Variants in HTR3B observed in about 807,000 individuals in gnomAD.
The protein encoded by HTR3B is 5-hydroxytryptamine receptor 3B.
Under a neutral mutation model 42.8 loss-of-function variants are expected in HTR3B, and 44 were observed. That is an observed-to-expected ratio of 1.03 (90% confidence interval 0.81 to 1.32). The LOEUF (loss-of-function observed/expected upper bound fraction) is 1.32, where lower values mean the gene tolerates loss of function less well. Ranked by LOEUF, HTR3B falls within the 40% of genes most tolerant of loss-of-function variation. The probability of loss-of-function intolerance (pLI) is 0.00; values close to 1 mark genes in which losing one functional copy is unlikely to be tolerated. For synonymous variants in HTR3B, 203 were observed against 209.0 expected (o/e 0.97, Z 0.25); for missense variants, 527 against 536.5 (o/e 0.98, Z 0.17).
At chr11:113,924,835 A>G (rs1949953411) in intron 2 of HTR3B, among the ~76,000 whole-genome samples, 1 of 152,044 alleles carries the variant, frequency 6.6e-6, no homozygotes, top group Non-Finnish European at 1.5e-5. Flanking sequence ...GCCTTTCCCA[A>G]GTATCTATTT....
intron 1 of HTR3B, among the ~76,000 whole-genome samples, chr11:113,907,318 G>A (rs1949741224): frequency 6.6e-6 from 1 of 152,166 alleles, no homozygotes; most frequent in African/African-American, 2.4e-5. Context: ...GAGTCATTTA[G>A]TGCTTGTGTG....
chr11:113,918,165 G>C (rs1245333325), intron 2 of HTR3B, among the ~76,000 whole-genome samples: 3 of 151,760 alleles, frequency 2.0e-5, no homozygotes, highest in African/African-American at 7.3e-5. Flanking sequence ...CTCTCATACT[G>C]TTAACATCTT....
intron 2 of HTR3B, among the ~76,000 whole-genome samples, chr11:113,929,073 T>C (rs1950005583): frequency 6.6e-6 from 1 of 152,200 alleles, no homozygotes; most frequent in African/African-American, 2.4e-5. Context: ...CATCTTTAAC[T>C]TTTTAAGAAA....
upstream of HTR3B, among the ~76,000 whole-genome samples, chr11:113,901,062 GA>G (rs1422768732): frequency 1.3e-5 from 2 of 152,094 alleles, no homozygotes; most frequent in Non-Finnish European, 2.9e-5. Context: ...ATTAGTGGAT[GA>G]AAAATGCTGT....
the HTR3B span, among the ~76,000 whole-genome samples, chr11:113,899,125 C>T: frequency 6.6e-6 from 1 of 152,116 alleles, no homozygotes; most frequent in East Asian, 1.9e-4. Flanking sequence ...ATCTTATGCT[C>T]TATGACCTCC....
chr11:113,913,269 C>T (rs557791445), intron 2 of HTR3B, among the ~76,000 whole-genome samples: 13 of 147,940 alleles, frequency 8.8e-5, no homozygotes, highest in Non-Finnish European at 1.3e-4. Context: ...CTGCAGCCGC[C>T]GCCTCCAGGG....
chr11:113,932,942 AC>A lies in HTR3B; in HGVS notation c.546del (p.Asp182GlufsTer2), dbSNP rs1387062550. 6.2e-7 allele frequency: 1 copy of A among 1,613,858 alleles called. No individual in the cohort carries two copies. Among genetic ancestry groups the A allele is most frequent in the Non-Finnish European group, 8.5e-7 (1 of 1,179,950 alleles). On this transcript the variant is annotated frameshift_variant, in exon 6 of 9. Coordinates refer to ENST00000260191, the MANE Select transcript of HTR3B (RefSeq NM_006028.5). LOFTEE classifies it high-confidence loss of function. ...TTGTTTGTGTTGTTTGCAGTGGAAG[AC>A]GTAGACCTGGCCTTTCTGAGGAGCC... ...TFKSILHTVE[D>X]VDLAFLRSPE...
intron 2 of HTR3B, among the ~76,000 whole-genome samples, chr11:113,922,283 A>G (rs1672728): frequency 0.035 from 5,247 of 151,996 alleles, 288 homozygotes; most frequent in African/African-American, 0.12. Context: ...TCTATCATCC[A>G]GGCTGGAGTA....
At chr11:113,926,468 T>TTTCTTTTCCTTTCCTTTCC (rs1949973855) in intron 2 of HTR3B, among the ~76,000 whole-genome samples, 8 of 80,312 alleles carry the variant, frequency 1.0e-4, no homozygotes, top group Non-Finnish European at 2.3e-5. Context: ...CTTTCCTTTC[T>TTTCTTTTCCTTTCCTTTCC]TTTCCTTTCC....
In HTR3B at chr11:113,938,774, C is replaced by T. The variant is rs1290206658; in HGVS notation, c.697-4208C>T. On this transcript the variant is annotated intron_variant, in intron 6 of 8. Transcript: ENST00000260191. ...GGCTAACGACTTTGGGAGGCTGAGG[C>T]AGGTGGATCACCTGAAGTCAGGAGT... Among the ~76,000 whole-genome samples, 4 of 152,236 alleles carry T rather than the reference C, an allele frequency of 2.6e-5. No individual in the cohort carries two copies. The East Asian group carries it at 7.7e-4, about 29-fold the overall frequency.
At chr11:113,912,500 C>T (rs1565556797) in intron 2 of HTR3B, among the ~76,000 whole-genome samples, 1 of 152,196 alleles carries the variant, frequency 6.6e-6, no homozygotes, top group Non-Finnish European at 1.5e-5. Context: ...GCCTCGGCCT[C>T]CCAAAGTGCT....
intron 4 of HTR3B, 127 bp downstream of exon 4, chr11:113,931,994 A>T: frequency 5.7e-6 from 4 of 699,266 alleles, no homozygotes; most frequent in Non-Finnish European, 1.0e-5. Flanking sequence ...TATTGTTGGG[A>T]GTATTCAGGT....
chr11:113,906,581 A>G (rs530061307), intron 1 of HTR3B, among the ~76,000 whole-genome samples: 11 of 152,320 alleles, frequency 7.2e-5, no homozygotes, highest in Admixed American at 3.9e-4. Flanking sequence ...ACTCCATACA[A>G]CATGTCAGTC....
intron 2 of HTR3B, among the ~76,000 whole-genome samples, chr11:113,929,304 C>G (rs1950008345): frequency 1.3e-5 from 2 of 152,142 alleles, no homozygotes; most frequent in Non-Finnish European, 2.9e-5. Context: ...GCTGCCGTAA[C>G]AAATACCACA....
At chr11:113,920,303 C>T (rs566282492) in intron 2 of HTR3B, among the ~76,000 whole-genome samples, 109 of 152,306 alleles carry the variant, frequency 7.2e-4, no homozygotes, top group African/African-American at 2.5e-3. Context: ...GCTGGGATTA[C>T]AGGCGTGAGC....
chr11:113,907,765 C>T (rs574841730), intron 1 of HTR3B, among the ~76,000 whole-genome samples: 7 of 152,264 alleles, frequency 4.6e-5, no homozygotes, highest in African/African-American at 1.2e-4. Flanking sequence ...GGGTAATTTC[C>T]TGTATTGAAA....
chr11:113,946,155 A>G lies in HTR3B; in HGVS notation c.*18A>G, dbSNP rs1190652908. ...GCGTGTGAAGACTGAAGTGTTCTTC[A>G]GTAATTGTGCTGGCACTTAGGAGAG... On this transcript the variant is annotated 3_prime_UTR_variant, in exon 9 of 9. Coordinates refer to ENST00000260191, the MANE Select transcript of HTR3B (RefSeq NM_006028.5). 5.1e-6 allele frequency: 8 copies of G among 1,574,722 alleles called. No homozygotes were observed. The highest frequency in any genetic ancestry group is 1.4e-5 in the African/African-American group (1 of 74,020).
chr11:113,904,832 A>T lies in HTR3B; in HGVS notation c.-102A>T. On this transcript the variant is annotated 5_prime_UTR_variant, in exon 1 of 9. Coordinates refer to ENST00000260191, the MANE Select transcript of HTR3B (RefSeq NM_006028.5). Reference sequence around the variant, plus strand: ...GGATAGCATCAACTGGCAAACGGAGAAGGAGGAGAACAGAGTGGAGAGGAA... The same window carrying T: ...GGATAGCATCAACTGGCAAACGGAGTAGGAGGAGAACAGAGTGGAGAGGAA... 1 of 698,620 alleles carries T rather than the reference A, an allele frequency of 1.4e-6. No individual in the cohort carries two copies. Among genetic ancestry groups the T allele is most frequent in the Non-Finnish European group, 2.4e-6 (1 of 414,358 alleles). 43.3% of individuals were successfully genotyped at this position (698,620 alleles called of 1,614,324 possible). A position where few individuals can be genotyped will look rare whatever the true frequency, so the allele number is the denominator to read the frequency against.
In HTR3B at chr11:113,946,926, T is replaced by C. The variant is rs1950185224; in HGVS notation, c.*789T>C. On this transcript the variant is annotated 3_prime_UTR_variant, in exon 9 of 9. Transcript: ENST00000260191. ...CAAAATAAGTCAGCACAGGTTATTA[T>C]TCACTTGTTGTGATTCCCATGGTCA... Among the ~76,000 whole-genome samples the C allele has an allele frequency of 6.6e-6, 1 of 152,226 alleles. No homozygotes were observed. The highest frequency in any genetic ancestry group is 1.5e-5 in the Non-Finnish European group (1 of 68,038).
Sources: gnomAD v4.1 joint callset for allele counts (sites outside exome capture counted in the v4.1 genomes callset) on GRCh38, gnomAD v4.1.1 for gene constraint, MANE v1.5 for transcripts, NCBI Gene and HGNC (gene_info 2026-07-23, HGNC 2026-07-21) for gene names.